TSNARE1: variants seen among roughly 807,000 people sequenced by gnomAD.
TSNARE1 encodes the protein t-SNARE domain containing 1.
TSNARE1 carries 49 observed loss-of-function variants against 62.0 expected under a neutral mutation model. The observed-to-expected ratio is 0.79, with a 90% CI of 0.63 to 1.00. The LOEUF is 1.00. TSNARE1 is among the 50% of genes least tolerant of loss of function. The probability of loss-of-function intolerance (pLI) is 0.00; values close to 1 mark genes in which losing one functional copy is unlikely to be tolerated. For missense variants in TSNARE1, 755 were observed against 700.1 expected (o/e 1.08, Z -0.88); for synonymous variants, 328 against 294.4 (o/e 1.11, Z -1.17).
At position 142,338,986 on chromosome 8, in the gene TSNARE1, G is replaced by A. The variant is rs139626426; in HGVS notation, c.745+4980C>T. ...TGAGCTGCTGCCAGATTCTGCTACCGTGACCTGGGCAGGGCACAAGTGGCC... is the reference window on the plus strand; with the variant it reads ...TGAGCTGCTGCCAGATTCTGCTACCATGACCTGGGCAGGGCACAAGTGGCC... On this transcript the variant is annotated intron_variant, in intron 4 of 13. Coordinates refer to ENST00000524325, the MANE Select transcript of TSNARE1 (RefSeq NM_145003.5). Among the ~76,000 whole-genome samples, 492 of 152,240 alleles carry A rather than the reference G, an allele frequency of 3.2e-3. 1 individual carries two copies. The highest frequency in any genetic ancestry group is 5.6e-3 in the East Asian group (29 of 5,146).
Position 142,239,109 on chromosome 8 carries a change from G to T in TSNARE1, c.1447-9530C>A, listed in dbSNP as rs116927569. 8.9e-4 allele frequency among the ~76,000 whole-genome samples: 135 copies of T among 152,348 alleles called. No individual in the cohort carries two copies. The East Asian group carries it at 0.024, about 27-fold the overall frequency. On this transcript the variant is annotated intron_variant, in intron 12 of 13. Coordinates refer to ENST00000524325, the MANE Select transcript of TSNARE1 (RefSeq NM_145003.5). Reference sequence around the variant, plus strand: ...GGCAGGAAAGGCCCCCAGGAAGGGGGACTGGTTTGGGTGAAGGCCTACAGG... The same window carrying T: ...GGCAGGAAAGGCCCCCAGGAAGGGGTACTGGTTTGGGTGAAGGCCTACAGG...
chr8:142,353,063 C>T (rs941659048), intron 2 of TSNARE1, among the ~76,000 whole-genome samples: 11 of 152,240 alleles, frequency 7.2e-5, no homozygotes, highest in African/African-American at 2.4e-4. Flanking sequence ...CCATCCACAC[C>T]GGCCCGTCTC....
At chr8:142,300,959 GGCAGGAAGGGT>G (rs879680481) in intron 9 of TSNARE1, among the ~76,000 whole-genome samples, 40,112 of 150,428 alleles carry the variant, frequency 0.27, 5,607 homozygotes, top group African/African-American at 0.32. Context: ...GTGGGCAGGA[GGCAGGAAGGGT>G]CCATGCTGCG....
At chr8:142,278,178 C>T in intron 11 of TSNARE1, 1 of 985,420 alleles carries the variant, frequency 1.0e-6, no homozygotes, top group Non-Finnish European at 1.2e-6. Context: ...CCAAGGCCCA[C>T]AGCCCAGGCC....
At chr8:142,269,386 A>G in intron 12 of TSNARE1, 1 of 970,774 alleles carries the variant, frequency 1.0e-6, no homozygotes, top group African/African-American at 1.8e-5. Flanking sequence ...GTTGGGGCTC[A>G]GCTAGCACCA....
intron 13 of TSNARE1, among the ~76,000 whole-genome samples, chr8:142,220,809 G>C (rs935067903): frequency 6.6e-6 from 1 of 152,200 alleles, no homozygotes; most frequent in African/African-American, 2.4e-5. Flanking sequence ...CTAAAAACCT[G>C]GCCTGGCACC....
intron 12 of TSNARE1, among the ~76,000 whole-genome samples, chr8:142,261,151 T>G (rs1321506985): frequency 0.025 from 725 of 29,154 alleles, no homozygotes; most frequent in Middle Eastern, 0.036. Context: ...AGGAAAGAGG[T>G]AGAAGGGAGG....
At chr8:142,265,464 T>C (rs367928446) in intron 12 of TSNARE1, among the ~76,000 whole-genome samples, 2 of 152,208 alleles carry the variant, frequency 1.3e-5, no homozygotes, top group African/African-American at 4.8e-5. Context: ...CTCCACTGTG[T>C]GGCCGTGGCA....
intron 13 of TSNARE1, among the ~76,000 whole-genome samples, chr8:142,226,383 C>T (rs1019027823): frequency 2.4e-4 from 37 of 152,288 alleles, no homozygotes; most frequent in African/African-American, 7.7e-4. Flanking sequence ...CTCTGCAGCC[C>T]GGCTCCTGCA....
At chr8:142,296,659 A>AGG (rs925443810) in intron 10 of TSNARE1, among the ~76,000 whole-genome samples, 1 of 151,758 alleles carries the variant, frequency 6.6e-6, no homozygotes, top group Non-Finnish European at 1.5e-5. Flanking sequence ...GGAGGCGGAC[A>AGG]GGGGGCTAGG....
intron 2 of TSNARE1, among the ~76,000 whole-genome samples, chr8:142,348,849 T>C (rs998924324): frequency 6.6e-6 from 1 of 152,144 alleles, no homozygotes; most frequent in Non-Finnish European, 1.5e-5. Flanking sequence ...GACGACTCAC[T>C]AGCTGGCTTT....
intron 11 of TSNARE1, chr8:142,275,797 A>C (rs1820381959): frequency 1.0e-6 from 1 of 985,064 alleles, no homozygotes; most frequent in Non-Finnish European, 1.2e-6. Flanking sequence ...CAGGGGTCTT[A>C]AGGCCTGGGA....
chr8:142,296,729 C>T (rs1824822556), intron 10 of TSNARE1, among the ~76,000 whole-genome samples: 1 of 151,946 alleles, frequency 6.6e-6, no homozygotes, highest in Admixed American at 6.6e-5. Context: ...AGCAGCAATG[C>T]TCAGATCAGG....
intron 2 of TSNARE1, among the ~76,000 whole-genome samples, chr8:142,351,088 C>A (rs563199140): frequency 6.6e-6 from 1 of 152,194 alleles, no homozygotes; most frequent in African/African-American, 2.4e-5. Flanking sequence ...AGATGATCTG[C>A]TATCTGGGAT....
intron 11 of TSNARE1, chr8:142,278,737 A>C: frequency 1.0e-6 from 1 of 985,436 alleles, no homozygotes; most frequent in East Asian, 1.1e-4. Context: ...TGGGCTCGGA[A>C]GGGGGCACAG....
In TSNARE1 at chr8:142,266,912, C is replaced by T. The variant is rs1044535683; in HGVS notation, c.1446+7869G>A. On this transcript the variant is annotated intron_variant, in intron 12 of 13. Coordinates refer to ENST00000524325, the MANE Select transcript of TSNARE1 (RefSeq NM_145003.5). ...GCAACATTATTTCTTTAGAAATCTT[C>T]GAGTTTGCTATTACTAACTTCATCT... 3.9e-5 allele frequency among the ~76,000 whole-genome samples: 6 copies of T among 152,172 alleles called. No individual in the cohort carries two copies. The East Asian group carries it at 7.7e-4, about 20-fold the overall frequency.
rs529713540 is a variant in TSNARE1 at position 142,254,873 on chromosome 8, G to C, written c.1446+19908C>G. On this transcript the variant is annotated intron_variant, in intron 12 of 13. Coordinates refer to ENST00000524325, the MANE Select transcript of TSNARE1 (RefSeq NM_145003.5). The stretch of plus-strand genomic sequence containing the variant: ...GGGTGGTGCTGCACCCGGGGCTCTG[G>C]TGCTGAAGCTGCACGCCCCATGCCC... 2.0e-5 allele frequency among the ~76,000 whole-genome samples: 3 copies of C among 152,278 alleles called. No homozygotes were observed. The South Asian group carries it at 6.2e-4, about 32-fold the overall frequency.
chr8:142,399,282 A>C (rs1838118897), intron 1 of TSNARE1, among the ~76,000 whole-genome samples: 1 of 152,234 alleles, frequency 6.6e-6, no homozygotes, highest in African/African-American at 2.4e-5. Context: ...CACAGGCTCA[A>C]GATCAGCTGT....
chr8:142,338,241 C>T (rs1832048023), intron 4 of TSNARE1, among the ~76,000 whole-genome samples: 1 of 152,260 alleles, frequency 6.6e-6, no homozygotes, highest in African/African-American at 2.4e-5. Flanking sequence ...CGTCTCACTG[C>T]AGGCCCCACT....
Sources: allele counts gnomAD v4.1 joint callset (sites outside exome capture counted in the v4.1 genomes callset), GRCh38; gene constraint gnomAD v4.1.1; transcripts MANE v1.5; gene names NCBI Gene and HGNC (gene_info 2026-07-23, HGNC 2026-07-21).